NUFIP1: variants seen among roughly 807,000 people sequenced by gnomAD.
NUFIP1 encodes nuclear FMR1 interacting protein 1, also known as FMR1-interacting protein NUFIP1.
A neutral mutation model predicts 56.2 loss-of-function variants in NUFIP1; 38 were observed. The observed-to-expected ratio is 0.68, with a 90% CI of 0.52 to 0.89. The LOEUF is 0.89. Among genes scored for constraint, NUFIP1 ranks in the 40% least tolerant of loss-of-function variants. NUFIP1 has a pLI of 0.00. For missense variants in NUFIP1, 567 were observed against 605.8 expected, an observed-to-expected ratio of 0.94 and a Z score of 0.67; for synonymous variants, 215 against 212.4, an observed-to-expected ratio of 1.01 and a Z score of -0.10.
rs769050505 is a variant in NUFIP1 at position 44,989,200 on chromosome 13, G to C, written c.237C>G (p.Pro79=). Residue 79 remains proline (P), a synonymous_variant, in exon 1 of 10, where the codon CCC becomes CCG. Transcript: ENST00000379161. ...MEAQSLPGAP[P]PFDAQILPGA... ...CGGGAAGAATCTGGGCGTCGAAGGGGGGCGGAGCCCCGGGGAGAGACTGGG... is the reference window on the plus strand; with the variant it reads ...CGGGAAGAATCTGGGCGTCGAAGGGCGGCGGAGCCCCGGGGAGAGACTGGG... 1 of 1,611,686 alleles carries C rather than the reference G, an allele frequency of 6.2e-7. No homozygotes were observed. The highest frequency in any genetic ancestry group is 2.2e-5 in the East Asian group (1 of 44,852).
intron 8 of NUFIP1, among the ~76,000 whole-genome samples, chr13:44,948,409 T>G (rs918074488): frequency 2.6e-5 from 4 of 152,194 alleles, no homozygotes; most frequent in African/African-American, 9.7e-5. Flanking sequence ...CCCAAAGTGT[T>G]GGGATTACAG....
chr13:44,958,496 T>C (rs1400494104), intron 7 of NUFIP1, among the ~76,000 whole-genome samples: 1 of 152,218 alleles, frequency 6.6e-6, no homozygotes, highest in Non-Finnish European at 1.5e-5. Flanking sequence ...CCTTATGCAA[T>C]GATCTTTTTC....
rs749368656 is a variant in NUFIP1, at chr13:44,949,696, C to T, written c.1138+26G>A. The stretch of plus-strand genomic sequence containing the variant: ...AGGCAAAAAGCAACAAAACAAAACC[C>T]TGTAACAACACACACCATGACTTAC... On this transcript the variant is annotated intron_variant, in intron 8 of 9. Coordinates refer to ENST00000379161, the MANE Select transcript of NUFIP1 (RefSeq NM_012345.3). 5.5e-6 allele frequency: 8 copies of T among 1,451,564 alleles called. No individual in the cohort carries two copies. The South Asian group carries it at 8.9e-5, about 16-fold the overall frequency. The allele number at this position is 1,451,564 out of a possible 1,614,324, so 89.9% of individuals were successfully genotyped here.
intron 5 of NUFIP1, among the ~76,000 whole-genome samples, chr13:44,968,297 T>C (rs1455121976): frequency 6.6e-6 from 1 of 152,030 alleles, no homozygotes; most frequent in Non-Finnish European, 1.5e-5. Context: ...AAGTAGACTC[T>C]GGCACTTGTA....
chr13:44,985,217 C>T (rs1012574799), intron 1 of NUFIP1, among the ~76,000 whole-genome samples: 1 of 152,198 alleles, frequency 6.6e-6, no homozygotes, highest in Non-Finnish European at 1.5e-5. Context: ...AATATCTCTA[C>T]CTGACACAAA....
chr13:44,943,755 CATA>C, intron 8 of NUFIP1, 81 bp from the exon 9 acceptor site: 1 of 979,634 alleles, frequency 1.0e-6, no homozygotes, highest in East Asian at 2.4e-5. Flanking sequence ...CCAACAAATC[CATA>C]ATAATCCTCC....
chr13:44,957,492 G>A (rs559125626), intron 7 of NUFIP1, among the ~76,000 whole-genome samples: 13 of 152,280 alleles, frequency 8.5e-5, no homozygotes, highest in African/African-American at 2.4e-4. Flanking sequence ...AATTACAGGC[G>A]TGAGCCACCA....
chr13:44,943,472 T>C lies in NUFIP1; in HGVS notation c.1341A>G (p.Pro447=), dbSNP rs368724017. 1.2e-6 allele frequency: 2 copies of C among 1,613,938 alleles called. No individual in the cohort carries two copies. Among genetic ancestry groups the C allele is most frequent in the African/African-American group, 1.3e-5 (1 of 74,928 alleles). ...CCAAGAGATATGGATGGTGTGTTCT[T>C]GGTTCGAATAACGTTTGATAGTTGT... ...DYHNYQTLFE[P]RTHHPYLLEM... Residue 447 remains proline, a synonymous_variant, in exon 9 of 10, where the codon CCA becomes CCG. Coordinates refer to ENST00000379161, the MANE Select transcript of NUFIP1 (RefSeq NM_012345.3).
chr13:44,945,363 T>C (rs1410364809), intron 8 of NUFIP1, among the ~76,000 whole-genome samples: 2 of 151,982 alleles, frequency 1.3e-5, no homozygotes, highest in African/African-American at 2.4e-5. Flanking sequence ...TAATTCATAA[T>C]TTAAAACTTT....
intron 6 of NUFIP1, among the ~76,000 whole-genome samples, chr13:44,961,939 C>G (rs989833191): frequency 2.0e-5 from 3 of 152,200 alleles, no homozygotes; most frequent in African/African-American, 7.2e-5. Context: ...TATTTGCACT[C>G]TATTTCACCT....
At position 44,973,308 on chromosome 13, in the gene NUFIP1, T is replaced by C. The variant is rs1389883067; in HGVS notation, c.734+5882A>G. Among the ~76,000 whole-genome samples, 4 of 152,334 alleles carry C rather than the reference T, an allele frequency of 2.6e-5. No homozygotes were observed. In the East Asian group the frequency reaches 7.7e-4, roughly 29 times the overall value. Reference sequence around the variant, plus strand: ...TTCAAAACCACAGCAGTTTAAGTACTATTAGTTACACTATAATTTCCAAGC... The same window carrying C: ...TTCAAAACCACAGCAGTTTAAGTACCATTAGTTACACTATAATTTCCAAGC... On this transcript the variant is annotated intron_variant, in intron 5 of 9. Transcript: ENST00000379161.
intron 6 of NUFIP1, among the ~76,000 whole-genome samples, chr13:44,962,696 A>T (rs1871463764): frequency 6.6e-6 from 1 of 152,202 alleles, no homozygotes; most frequent in East Asian, 1.9e-4. Flanking sequence ...GGGCCTTCAC[A>T]TTCACTCACC....
At chr13:44,959,663 T>C in intron 6 of NUFIP1, 89 bp from the exon 7 acceptor site, 1 of 1,062,894 alleles carries the variant, frequency 9.4e-7, no homozygotes. Context: ...AAAAGAAACC[T>C]AGCTGTAAAA....
intron 8 of NUFIP1, among the ~76,000 whole-genome samples, chr13:44,944,994 T>C (rs780384132): frequency 3.9e-5 from 6 of 151,960 alleles, no homozygotes; most frequent in Non-Finnish European, 7.4e-5. Context: ...TACTGTAATG[T>C]GTAGGGTCTG....
intron 6 of NUFIP1, among the ~76,000 whole-genome samples, chr13:44,964,150 G>A (rs541464304): frequency 1.3e-5 from 2 of 151,990 alleles, no homozygotes; most frequent in Non-Finnish European, 2.9e-5. Flanking sequence ...AAAACATAAA[G>A]AAATAGTTTT....
intron 9 of NUFIP1, 91 bp downstream of exon 9, chr13:44,943,351 A>AACACACACACAC (rs36045762): frequency 4.0e-5 from 38 of 938,672 alleles, no homozygotes; most frequent in Admixed American, 3.7e-4. Context: ...CCTTAAAACA[A>AACACACACACAC]ACACACACAC....
chr13:44,945,906 A>G (rs1392657484), intron 8 of NUFIP1, among the ~76,000 whole-genome samples: 1 of 152,100 alleles, frequency 6.6e-6, no homozygotes, highest in Admixed American at 6.5e-5. Context: ...AACATTACAT[A>G]GGACTGAATG....
chr13:44,957,950 T>C (rs909980972), intron 7 of NUFIP1, among the ~76,000 whole-genome samples: 3 of 152,228 alleles, frequency 2.0e-5, no homozygotes, highest in Admixed American at 6.5e-5. Flanking sequence ...TGGTCTTTTG[T>C]CATCAAGGCC....
intron 9 of NUFIP1, among the ~76,000 whole-genome samples, chr13:44,941,533 A>G (rs1004921254): frequency 2.0e-5 from 3 of 152,206 alleles, no homozygotes; most frequent in African/African-American, 4.8e-5. Flanking sequence ...ATTTATTTTG[A>G]GACGGAGTCT....
Sources: allele counts gnomAD v4.1 joint callset (sites outside exome capture counted in the v4.1 genomes callset), GRCh38; gene constraint gnomAD v4.1.1; transcripts MANE v1.5; gene names NCBI Gene and HGNC (gene_info 2026-07-23, HGNC 2026-07-21).